The following TDRD3 variants were observed in gnomAD, a reference collection of about 807,000 sequenced individuals.
TDRD3 encodes the protein tudor domain-containing protein 3.
In TDRD3, 45 loss-of-function variants were observed where a neutral mutation model predicts 86.7. The ratio of observed to expected loss-of-function variants is 0.52; its 90% CI spans 0.41 to 0.67. The LOEUF (loss-of-function observed/expected upper bound fraction) is 0.67. Ranked by LOEUF, TDRD3 falls within the 30% of genes least tolerant of loss-of-function variation. The pLI is 0.00. For synonymous variants in TDRD3, 298 were observed against 301.7 expected (o/e 0.99, Z 0.13); for missense variants, 814 against 889.0 (o/e 0.92, Z 1.07).
At chr13:60,456,152 A>T (rs1566204777) in intron 3 of TDRD3, among the ~76,000 whole-genome samples, 1 of 152,180 alleles carries the variant, frequency 6.6e-6, no homozygotes, top group African/African-American at 2.4e-5. Flanking sequence ...TTAAGAAAAA[A>T]AAATTGTTTT....
intron 1 of TDRD3, among the ~76,000 whole-genome samples, chr13:60,398,751 T>TA: frequency 6.6e-6 from 1 of 152,210 alleles, no homozygotes; most frequent in Non-Finnish European, 1.5e-5. Flanking sequence ...CTTTAACGCT[T>TA]ATGCGTTATT....
chr13:60,494,297 A>G (rs559857705), intron 7 of TDRD3, 138 bp from the exon 8 acceptor site: 2 of 941,868 alleles, frequency 2.1e-6, no homozygotes, highest in Non-Finnish European at 2.9e-6. Flanking sequence ...AAAAGGAGTA[A>G]GTTAATATTT....
At chr13:60,563,232 T>TAAAAAA (rs36139602) in intron 12 of TDRD3, among the ~76,000 whole-genome samples, 7 of 135,046 alleles carry the variant, frequency 5.2e-5, no homozygotes, top group African/African-American at 1.9e-4. Flanking sequence ...CATATCAATT[T>TAAAAAA]AAAAAAAAAA....
At chr13:60,460,331 T>G in intron 3 of TDRD3, 49 bp from the exon 4 acceptor site, 1 of 1,496,610 alleles carries the variant, frequency 6.7e-7, no homozygotes, top group Non-Finnish European at 8.9e-7. Context: ...CAGCCCTGAA[T>G]AGAGTTTCAT....
intron 12 of TDRD3, among the ~76,000 whole-genome samples, chr13:60,556,968 G>GC (rs1479654673): frequency 6.6e-6 from 1 of 152,150 alleles, no homozygotes; most frequent in Non-Finnish European, 1.5e-5. Context: ...ACTTTAGGAG[G>GC]CTGAGGCGGG....
intron 3 of TDRD3, among the ~76,000 whole-genome samples, chr13:60,447,159 A>G (rs1027331305): frequency 4.6e-5 from 7 of 152,210 alleles, no homozygotes; most frequent in African/African-American, 9.6e-5. Flanking sequence ...CTAAAAACCA[A>G]TGTTCCAAAA....
chr13:60,545,803 G>A lies in TDRD3; in HGVS notation c.2118+10570G>A, dbSNP rs536440551. Among the ~76,000 whole-genome samples the A allele has an allele frequency of 5.3e-5, 8 of 152,182 alleles. No individual in the cohort carries two copies. In the South Asian group the frequency reaches 1.7e-3, roughly 32 times the overall value. ...CAAATGGAAAAAGGAGACATATCAA[G>A]GGGTTGAGAGTATTGGTACTTACTC... On this transcript the variant is annotated intron_variant, in intron 12 of 13. Coordinates refer to ENST00000377881, the MANE Select transcript of TDRD3 (RefSeq NM_001146070.2).
Position 60,563,232 on chromosome 13 carries a change from TA to T in TDRD3, c.2119-4278del, listed in dbSNP as rs36139602. On this transcript the variant is annotated intron_variant, in intron 12 of 13. Transcript: ENST00000377881. Reference sequence around the variant, plus strand: ...GACAGAGCAAGACTCCATATCAATTTAAAAAAAAAAAAAAAGGCAAGGCGAT... The same window carrying T: ...GACAGAGCAAGACTCCATATCAATTTAAAAAAAAAAAAAAGGCAAGGCGAT... Among the ~76,000 whole-genome samples, 679 of 134,934 alleles carry T rather than the reference TA, an allele frequency of 5.0e-3. 2 individuals carry two copies. The highest frequency in any genetic ancestry group is 0.013 in the African/African-American group (466 of 35,928). 88.5% of individuals were successfully genotyped at this position (134,934 alleles called of 152,430 possible).
rs780239611 is a variant in TDRD3, at chr13:60,567,614, T to C, written c.2208T>C (p.Phe736=). ...GATCCACTCGGCCAACCCAACAGTT[T>C]TACCAACCACCCCGGGCTCGGAACT... ...PRRSTRPTQQ[F]YQPPRARN is the part of the protein sequence containing the mutation. The change falls in exon 13 of 14, where the codon TTT becomes TTC. Residue 736 remains phenylalanine, a synonymous_variant. Coordinates refer to ENST00000377881, the MANE Select transcript of TDRD3 (RefSeq NM_001146070.2). 3 of 1,614,150 alleles carry C rather than the reference T, an allele frequency of 1.9e-6. No individual in the cohort carries two copies. Among genetic ancestry groups the C allele is most frequent in the Non-Finnish European group, 2.5e-6 (3 of 1,180,018 alleles).
chr13:60,560,972 A>G (rs1958318696), intron 12 of TDRD3, among the ~76,000 whole-genome samples: 1 of 152,122 alleles, frequency 6.6e-6, no homozygotes, highest in Non-Finnish European at 1.5e-5. Context: ...TGTTTTGTTT[A>G]AATAAAATGT....
At chr13:60,411,428 T>C (rs763656486) in intron 1 of TDRD3, among the ~76,000 whole-genome samples, 2 of 152,204 alleles carry the variant, frequency 1.3e-5, no homozygotes, top group Non-Finnish European at 1.5e-5. Flanking sequence ...TTTCTACTTA[T>C]GTGAATAAGC....
rs544833012 is a variant in TDRD3, at chr13:60,446,999, T to C, written c.192+2251T>C. On this transcript the variant is annotated intron_variant, in intron 3 of 13. Coordinates refer to ENST00000377881, the MANE Select transcript of TDRD3 (RefSeq NM_001146070.2). ...CTGTGCATAAGATACAGGACAACAG[T>C]TGGCAAACAGAATATTTGAATAAGT... Among the ~76,000 whole-genome samples, 11 of 152,318 alleles carry C rather than the reference T, an allele frequency of 7.2e-5. 1 individual carries two copies. In the South Asian group the frequency reaches 2.3e-3, roughly 32 times the overall value.
intron 7 of TDRD3, among the ~76,000 whole-genome samples, chr13:60,489,367 AACTGC>A: frequency 6.6e-6 from 1 of 152,206 alleles, no homozygotes; most frequent in East Asian, 1.9e-4. Flanking sequence ...CTTAGCTTAC[AACTGC>A]TTTCCTATTT....
At chr13:60,465,433 C>T (rs371497272) in intron 4 of TDRD3, among the ~76,000 whole-genome samples, 25 of 152,274 alleles carry the variant, frequency 1.6e-4, no homozygotes, top group African/African-American at 6.0e-4. Context: ...ACCACCACAG[C>T]TCTCTACTTA....
Position 60,528,473 on chromosome 13 carries a change from T to C in TDRD3, c.1248T>C (p.Asn416=). 6.2e-7 allele frequency: 1 copy of C among 1,614,002 alleles called. No homozygotes were observed. Among genetic ancestry groups the C allele is most frequent in the Non-Finnish European group, 8.5e-7 (1 of 1,179,940 alleles). Residue 416 remains asparagine, a synonymous_variant, in exon 11 of 14, where the codon AAT becomes AAC. Coordinates refer to ENST00000377881, the MANE Select transcript of TDRD3 (RefSeq NM_001146070.2). The stretch of plus-strand genomic sequence containing the variant: ...ATCATCTGAGACATCCTCCTCGAAA[T>C]GATACCAGGCAGCCAAGAAATGAAA... ...DNNHLRHPPR[N]DTRQPRNEKP...
At chr13:60,503,068 T>A (rs1956866805) in intron 8 of TDRD3, among the ~76,000 whole-genome samples, 1 of 152,200 alleles carries the variant, frequency 6.6e-6, no homozygotes, top group Non-Finnish European at 1.5e-5. Flanking sequence ...ATAAGTTTCC[T>A]TGACTCTGAA....
Position 60,482,296 on chromosome 13 carries a change from G to A in TDRD3, c.496-1479G>A, listed in dbSNP as rs117416634. On this transcript the variant is annotated intron_variant, in intron 5 of 13. Coordinates refer to ENST00000377881, the MANE Select transcript of TDRD3 (RefSeq NM_001146070.2). ...TCCCTATGACCTCTGTTTGCATCATGGCTACAAGCAGAAAGCCATAGCTCA... is the reference window on the plus strand; with the variant it reads ...TCCCTATGACCTCTGTTTGCATCATAGCTACAAGCAGAAAGCCATAGCTCA... 5.0e-3 allele frequency among the ~76,000 whole-genome samples: 756 copies of A among 152,164 alleles called. 3 individuals carry two copies. The highest frequency in any genetic ancestry group is 0.024 in the Middle Eastern group (7 of 294).
chr13:60,489,666 C>T (rs919492603), intron 7 of TDRD3, among the ~76,000 whole-genome samples: 8 of 152,198 alleles, frequency 5.3e-5, no homozygotes, highest in Non-Finnish European at 8.8e-5. Context: ...TCATAACACT[C>T]TTGCTCAAAG....
At chr13:60,549,748 A>G (rs1034245747) in intron 12 of TDRD3, among the ~76,000 whole-genome samples, 34 of 152,220 alleles carry the variant, frequency 2.2e-4, no homozygotes, top group African/African-American at 7.0e-4. Flanking sequence ...GGCTTAACCT[A>G]TTGACTTATC....
Sources: gnomAD v4.1 joint callset for allele counts (sites outside exome capture counted in the v4.1 genomes callset) on GRCh38, gnomAD v4.1.1 for gene constraint, MANE v1.5 for transcripts, NCBI Gene and HGNC (gene_info 2026-07-23, HGNC 2026-07-21) for gene names.